Variants in SOX13 observed in about 807,000 individuals in gnomAD.
The protein encoded by SOX13 is SRY-box transcription factor 13.
Under a neutral mutation model 71.8 loss-of-function variants are expected in SOX13, and 28 were observed. That is an observed-to-expected ratio of 0.39 (90% CI 0.29 to 0.53). SOX13 has a LOEUF of 0.53. SOX13 is among the 20% of genes least tolerant of loss of function. The pLI is 0.70. For synonymous variants in SOX13, 309 were observed against 317.8 expected (o/e 0.97, Z 0.29); for missense variants, 627 against 810.3 (o/e 0.77, Z 2.75).
At chr1:204,097,568 G>T (rs1239934890) in intron 1 of SOX13, among the ~76,000 whole-genome samples, 1 of 151,780 alleles carries the variant, frequency 6.6e-6, no homozygotes, top group Non-Finnish European at 1.5e-5. Context: ...GCGCATGCCT[G>T]TAATCCCAGC....
Position 204,079,876 on chromosome 1 carries a change from G to C in SOX13, c.-2+6165G>C, listed in dbSNP as rs1367923922. ...TGTGAGGTGAGGAGGAAGTGGCTGA[G>C]GTTTCCCCTGCCTCCTCCTAAGGTC... On this transcript the variant is annotated intron_variant, in intron 1 of 13. Coordinates refer to ENST00000367204, the MANE Select transcript of SOX13 (RefSeq NM_005686.3). Among the ~76,000 whole-genome samples, 3 of 150,586 alleles carry C rather than the reference G, an allele frequency of 2.0e-5. No individual in the cohort carries two copies. The East Asian group carries it at 5.8e-4, about 29-fold the overall frequency.
At chr1:204,097,481 C>T (rs933412853) in intron 1 of SOX13, among the ~76,000 whole-genome samples, 6 of 151,934 alleles carry the variant, frequency 3.9e-5, no homozygotes, top group African/African-American at 7.3e-5. Context: ...CACCTGAGGT[C>T]GGGAGTTTGA....
chr1:204,074,823 A>C (rs1019477360), intron 1 of SOX13, among the ~76,000 whole-genome samples: 2 of 152,242 alleles, frequency 1.3e-5, no homozygotes, highest in Non-Finnish European at 2.9e-5. Flanking sequence ...GGCAGCTGCA[A>C]AGACTCCGCT....
At chr1:204,109,138 GTCTCT>G (rs1656528259) in intron 1 of SOX13, among the ~76,000 whole-genome samples, 2 of 152,162 alleles carry the variant, frequency 1.3e-5, no homozygotes, top group Non-Finnish European at 2.9e-5. Flanking sequence ...CTGGCCTGGG[GTCTCT>G]TCTCTTCTCT....
At chr1:204,110,747 G>A (rs1470530296) in intron 1 of SOX13, among the ~76,000 whole-genome samples, 1 of 152,056 alleles carries the variant, frequency 6.6e-6, no homozygotes, top group Non-Finnish European at 1.5e-5. Flanking sequence ...TTACAGAGTT[G>A]ATGCAATCTA....
At chr1:204,090,706 C>T (rs775966613) in intron 1 of SOX13, among the ~76,000 whole-genome samples, 8 of 152,292 alleles carry the variant, frequency 5.3e-5, no homozygotes, top group African/African-American at 7.2e-5. Flanking sequence ...CCACCATGCC[C>T]GGCCAAGCTC....
chr1:204,122,720 G>T, intron 9 of SOX13, 134 bp from the exon 10 acceptor site: 1 of 634,468 alleles, frequency 1.6e-6, no homozygotes, highest in South Asian at 2.0e-5. Flanking sequence ...CCCTGTGGAA[G>T]AACAGGAGGG....
At position 204,087,087 on chromosome 1, in the gene SOX13, C is replaced by G. The variant is rs188091222; in HGVS notation, c.-2+13376C>G. ...TACAGGCACCCACCACCAGGCCCGG[C>G]TAATTTTTGTATTTTTAGTAGAGAC... On this transcript the variant is annotated intron_variant, in intron 1 of 13. Coordinates refer to ENST00000367204, the MANE Select transcript of SOX13 (RefSeq NM_005686.3). Among the ~76,000 whole-genome samples, 161 of 152,274 alleles carry G rather than the reference C, an allele frequency of 1.1e-3. 3 individuals carry two copies. The highest frequency in any genetic ancestry group is 3.6e-3 in the African/African-American group (149 of 41,560).
chr1:204,111,749 T>C lies in SOX13; in HGVS notation c.-1-1166T>C, dbSNP rs546124375. On this transcript the variant is annotated intron_variant, in intron 1 of 13. Coordinates refer to ENST00000367204, the MANE Select transcript of SOX13 (RefSeq NM_005686.3). Reference sequence around the variant, plus strand: ...TAAAGAGATGGGAGTCTCATTAGGTTGTCCAGACTGGCCTCAAACACCTGA... The same window carrying C: ...TAAAGAGATGGGAGTCTCATTAGGTCGTCCAGACTGGCCTCAAACACCTGA... Among the ~76,000 whole-genome samples the C allele has an allele frequency of 3.4e-5, 5 of 148,198 alleles. No individual in the cohort carries two copies. In the South Asian group the frequency reaches 1.1e-3, roughly 33 times the overall value.
Position 204,126,271 on chromosome 1 carries a change from G to A in SOX13, c.*137G>A. 1.1e-6 allele frequency: 1 copy of A among 946,214 alleles called. No homozygotes were observed. The highest frequency in any genetic ancestry group is 1.6e-6 in the Non-Finnish European group (1 of 633,382). 58.6% of individuals were successfully genotyped at this position (946,214 alleles called of 1,614,324 possible). Reference sequence around the variant, plus strand: ...CAGAGATGGGCAAAGCTGTGCACTTGCAGATACATTCATGAGGGGAGAGGC... The same window carrying A: ...CAGAGATGGGCAAAGCTGTGCACTTACAGATACATTCATGAGGGGAGAGGC... On this transcript the variant is annotated 3_prime_UTR_variant, in exon 14 of 14. Coordinates refer to ENST00000367204, the MANE Select transcript of SOX13 (RefSeq NM_005686.3).
intron 1 of SOX13, among the ~76,000 whole-genome samples, chr1:204,095,612 C>T (rs1197416060): frequency 6.6e-6 from 1 of 152,146 alleles, no homozygotes; most frequent in East Asian, 1.9e-4. Flanking sequence ...ATTAAAGATG[C>T]CCTGAAAGCA....
chr1:204,118,722 A>G (rs1656745595), intron 7 of SOX13: 1 of 152,122 alleles, frequency 6.6e-6, no homozygotes, highest in Admixed American at 6.5e-5. Context: ...CTGGCCTTCT[A>G]CCCCATCACT....
At chr1:204,096,288 G>A (rs1656251564) in intron 1 of SOX13, among the ~76,000 whole-genome samples, 1 of 122,456 alleles carries the variant, frequency 8.2e-6, no homozygotes. Context: ...CTCCCAGGCT[G>A]GAGTACAGTG....
intron 7 of SOX13, among the ~76,000 whole-genome samples, 194 bp from the exon 8 acceptor site, chr1:204,121,706 G>A (rs1656808806): frequency 1.3e-5 from 2 of 152,174 alleles, no homozygotes; most frequent in African/African-American, 4.8e-5. Flanking sequence ...ATGCCAGTCA[G>A]TGTGCAGGGG....
chr1:204,078,845 C>T (rs1348184033), intron 1 of SOX13, among the ~76,000 whole-genome samples: 2 of 152,214 alleles, frequency 1.3e-5, no homozygotes, highest in Non-Finnish European at 2.9e-5. Flanking sequence ...TTCCTCCGAC[C>T]TCTGTCAGCT....
chr1:204,122,999 A>G, intron 10 of SOX13, 36 bp downstream of exon 10: 2 of 1,519,354 alleles, frequency 1.3e-6, no homozygotes, highest in East Asian at 4.6e-5. Flanking sequence ...TAGGGGCAGC[A>G]ACAGATGGTG....
chr1:204,127,207 C>T lies in SOX13; in HGVS notation c.*1073C>T, dbSNP rs1656938963. 1 of 152,296 alleles carries T rather than the reference C, an allele frequency of 6.6e-6. No individual in the cohort carries two copies. Among genetic ancestry groups the T allele is most frequent in the Non-Finnish European group, 1.5e-5 (1 of 68,120 alleles). The allele number at this position is 152,296 out of a possible 1,614,324, so 9.4% of individuals were successfully genotyped here. The stretch of plus-strand genomic sequence containing the variant: ...GGGACAGGAGGATTGATGGTGCTCC[C>T]CTTCCTGCCAGCGTCAGAGGCCCTG... On this transcript the variant is annotated 3_prime_UTR_variant, in exon 14 of 14. Transcript: ENST00000367204.
chr1:204,118,698 T>A (rs1204440848), intron 7 of SOX13: 1 of 152,274 alleles, frequency 6.6e-6, no homozygotes, highest in Non-Finnish European at 1.5e-5. Flanking sequence ...TGTCCCTGCC[T>A]ACACCATGTC....
At chr1:204,121,662 A>G (rs990415899) in intron 7 of SOX13, among the ~76,000 whole-genome samples, 8 of 151,816 alleles carry the variant, frequency 5.3e-5, no homozygotes, top group African/African-American at 1.7e-4. Flanking sequence ...AACTCTATTT[A>G]GAGTGGGTTG....
Sources: gnomAD v4.1 joint callset for allele counts (sites outside exome capture counted in the v4.1 genomes callset) on GRCh38, gnomAD v4.1.1 for gene constraint, MANE v1.5 for transcripts, NCBI Gene and HGNC (gene_info 2026-07-23, HGNC 2026-07-21) for gene names.